The following CAPG variants were observed in gnomAD, a reference collection of about 807,000 sequenced individuals.
CAPG encodes macrophage-capping protein.
In CAPG, 32 loss-of-function variants were observed where a neutral mutation model predicts 44.6. The observed-to-expected ratio is 0.72, with a 90% confidence interval of 0.54 to 0.96. The LOEUF is 0.96. Ranked by LOEUF, CAPG falls within the 50% of genes least tolerant of loss-of-function variation. CAPG has a pLI of 0.00. For missense variants in CAPG, 412 were observed against 438.3 expected, an observed-to-expected ratio of 0.94 and a Z score of 0.54; for synonymous variants, 175 against 179.6, an observed-to-expected ratio of 0.97 and a Z score of 0.20.
upstream of CAPG, among the ~76,000 whole-genome samples, chr2:85,413,414 T>C (rs1687474602): frequency 6.6e-6 from 1 of 152,130 alleles, no homozygotes; most frequent in Non-Finnish European, 1.5e-5. Flanking sequence ...ACCCCATCTC[T>C]ACTAATAATA....
intron 5 of CAPG, among the ~76,000 whole-genome samples, chr2:85,400,964 T>A (rs943073102): frequency 2.6e-5 from 4 of 152,170 alleles, no homozygotes; most frequent in Admixed American, 6.5e-5. Context: ...CTCCAGAGCA[T>A]CAGAGGCAAT....
chr2:85,398,674 G>T lies in CAPG; in HGVS notation c.759+16C>A. 6.3e-7 allele frequency: 1 copy of T among 1,587,132 alleles called. No individual in the cohort carries two copies. The highest frequency in any genetic ancestry group is 8.6e-7 in the Non-Finnish European group (1 of 1,165,542). ...CTCCCTGCTGCCGGGTCCCAGGGCA[G>T]GCTTGGGGGGCCCACCTTATACAGA... On this transcript the variant is annotated intron_variant, in intron 7 of 9. Coordinates refer to ENST00000263867, the MANE Select transcript of CAPG (RefSeq NM_001747.4).
chr2:85,409,165 C>T (rs1687308167), intron 1 of CAPG, among the ~76,000 whole-genome samples: 1 of 152,212 alleles, frequency 6.6e-6, no homozygotes, highest in African/African-American at 2.4e-5. Context: ...TCAAAGAATG[C>T]ATTTGATTAA....
chr2:85,400,246 G>A (rs1358322615), intron 5 of CAPG, among the ~76,000 whole-genome samples: 15 of 152,196 alleles, frequency 9.9e-5, no homozygotes, highest in Admixed American at 9.8e-4. Flanking sequence ...GACTGGATGG[G>A]TGAATGGCTG....
At chr2:85,406,662 C>T (rs1343999515) in intron 1 of CAPG, among the ~76,000 whole-genome samples, 1 of 151,998 alleles carries the variant, frequency 6.6e-6, no homozygotes, top group African/African-American at 2.4e-5. Context: ...AGTTCGAGAC[C>T]AGCCTGACCA....
chr2:85,413,395 C>A (rs1270495944), upstream of CAPG, among the ~76,000 whole-genome samples: 1 of 152,128 alleles, frequency 6.6e-6, no homozygotes, highest in African/African-American at 2.4e-5. Flanking sequence ...GCCTGACCAA[C>A]GTGGCGAAAC....
chr2:85,411,287 C>T (rs1687401090), upstream of CAPG, among the ~76,000 whole-genome samples: 1 of 152,254 alleles, frequency 6.6e-6, no homozygotes, highest in South Asian at 2.1e-4. Flanking sequence ...ATCATGACTT[C>T]TGGGCCCTGG....
At position 85,395,092 on chromosome 2, in the gene CAPG, G is replaced by A. The variant is rs1228848071; in HGVS notation, c.982-134C>T. The stretch of plus-strand genomic sequence containing the variant: ...CTGAATCCATGTGCAGTCCAGGCTG[G>A]GAAAGCTCCCCTGGATGAGCCATGA... On this transcript the variant is annotated intron_variant, in intron 9 of 9. Coordinates refer to ENST00000263867, the MANE Select transcript of CAPG (RefSeq NM_001747.4). This position sits in a 1 kb window ranked among gnomAD's most constrained non-coding sequence, Gnocchi z 4.3. 2 of 685,480 alleles carry A rather than the reference G, an allele frequency of 2.9e-6. No individual in the cohort carries two copies. The highest frequency in any genetic ancestry group is 1.8e-5 in the African/African-American group (1 of 55,002). 42.5% of individuals were successfully genotyped at this position (685,480 alleles called of 1,614,324 possible). A position where few individuals can be genotyped will look rare whatever the true frequency, so the allele number is the denominator to read the frequency against.
Position 85,394,869 on chromosome 2 carries a change from C to G in CAPG, c.*24G>C, listed in dbSNP as rs1686508582. On this transcript the variant is annotated 3_prime_UTR_variant, in exon 10 of 10. Coordinates refer to ENST00000263867, the MANE Select transcript of CAPG (RefSeq NM_001747.4). ...AGGCAGGTGGTGGGGGGCAGGGGAGCATGGGGCAGGAAGACGCCCACCCTC... is the reference window on the plus strand; with the variant it reads ...AGGCAGGTGGTGGGGGGCAGGGGAGGATGGGGCAGGAAGACGCCCACCCTC... The G allele has an allele frequency of 6.3e-7, 1 of 1,579,984 alleles. No homozygotes were observed. Among genetic ancestry groups the G allele is most frequent in the Admixed American group, 1.7e-5 (1 of 59,984 alleles).
At chr2:85,393,275 G>C (rs1425411495), downstream of CAPG, among the ~76,000 whole-genome samples, 2 of 152,018 alleles carry the variant, frequency 1.3e-5, no homozygotes, top group Non-Finnish European at 2.9e-5. Context: ...AGCTTAAGGA[G>C]TCCGCCTGCC....
chr2:85,397,628 A>T (rs1397259449), intron 8 of CAPG, among the ~76,000 whole-genome samples: 1 of 152,124 alleles, frequency 6.6e-6, no homozygotes, highest in Non-Finnish European at 1.5e-5. Flanking sequence ...GCTTGAACCC[A>T]GGAGGCAGAG....
intron 5 of CAPG, among the ~76,000 whole-genome samples, chr2:85,400,479 T>A (rs974347594): frequency 2.6e-5 from 4 of 152,106 alleles, no homozygotes; most frequent in African/African-American, 7.2e-5. Flanking sequence ...AATCTCCTCA[T>A]GACCTAGGGC....
intron 1 of CAPG, among the ~76,000 whole-genome samples, chr2:85,416,379 G>A (rs1054724155): frequency 2.0e-5 from 3 of 151,958 alleles, no homozygotes; most frequent in Admixed American, 6.6e-5. Flanking sequence ...GACTCGAAGG[G>A]TCCCTTCTGG....
Position 85,395,133 on chromosome 2 carries a change from T to C in CAPG, c.982-175A>G, listed in dbSNP as rs375055816. ...TGAGCCATGAGATGAGAACCAAGAT[T>C]TCAGGGACACAGACAGAGGCAACAG... On this transcript the variant is annotated intron_variant, in intron 9 of 9. Transcript: ENST00000263867. The surrounding 1 kb of genome is among the most constrained non-coding windows in gnomAD (Gnocchi z 4.3). Among the ~76,000 whole-genome samples the C allele has an allele frequency of 4.7e-4, 71 of 152,142 alleles. No individual in the cohort carries two copies. The highest frequency in any genetic ancestry group is 1.7e-3 in the African/African-American group (71 of 41,488).
chr2:85,398,253 G>A, intron 7 of CAPG, 101 bp from the exon 8 acceptor site: 1 of 1,368,012 alleles, frequency 7.3e-7, no homozygotes, highest in Non-Finnish European at 1.0e-6. Context: ...CTCCCACTGT[G>A]CCTCGCTGCC....
At chr2:85,416,404 AC>A (rs57977399) in intron 1 of CAPG, among the ~76,000 whole-genome samples, 4,589 of 152,180 alleles carry the variant, frequency 0.03, 237 homozygotes, top group African/African-American at 0.1. Flanking sequence ...TCTAACTCCA[AC>A]CGAGAGGCAC....
upstream of CAPG, among the ~76,000 whole-genome samples, chr2:85,413,468 T>C (rs992007961): frequency 6.6e-6 from 1 of 152,172 alleles, no homozygotes; most frequent in African/African-American, 2.4e-5. Context: ...TAATCTCAGC[T>C]ACTCGGGAGG....
chr2:85,398,873 C>A, intron 6 of CAPG, 91 bp from the exon 7 acceptor site: 1 of 1,051,830 alleles, frequency 9.5e-7, no homozygotes, highest in Non-Finnish European at 1.4e-6. Context: ...TCTGGTGGGG[C>A]AAACTGCGCC....
chr2:85,393,621 G>A (rs1373634215), downstream of CAPG, among the ~76,000 whole-genome samples: 3 of 152,104 alleles, frequency 2.0e-5, no homozygotes, highest in African/African-American at 7.2e-5. Context: ...CTGGAGTGCA[G>A]TGGTGCAATC....
Sources: allele counts gnomAD v4.1 joint callset (sites outside exome capture counted in the v4.1 genomes callset), GRCh38; gene constraint gnomAD v4.1.1; non-coding constraint Gnocchi (gnomAD v3.1); transcripts MANE v1.5; gene names NCBI Gene and HGNC (gene_info 2026-07-23, HGNC 2026-07-21).